Variants in C12orf42 observed in about 807,000 individuals in gnomAD.
C12orf42 encodes uncharacterized protein C12orf42.
C12orf42 carries 25 observed loss-of-function variants against 21.6 expected under a neutral mutation model. The ratio of observed to expected loss-of-function variants is 1.16; its 90% CI spans 0.84 to 1.62. C12orf42 has a LOEUF of 1.62. Ranked by LOEUF, C12orf42 falls within the 40% of genes most tolerant of loss-of-function variation. The pLI is 0.00. For synonymous variants in C12orf42, 174 were observed against 175.0 expected, an observed-to-expected ratio of 0.99 and a Z score of 0.05; for missense variants, 483 against 459.3, an observed-to-expected ratio of 1.05 and a Z score of -0.47.
At chr12:103,247,477 GTAAC>G (rs2034065512) in intron 10 of C12orf42, among the ~76,000 whole-genome samples, 1 of 151,994 alleles carries the variant, frequency 6.6e-6, no homozygotes, top group Non-Finnish European at 1.5e-5. Context: ...GTTTCAAAAA[GTAAC>G]TATTCATCAT....
chr12:103,154,179 G>T, the C12orf42 span, among the ~76,000 whole-genome samples: 1 of 152,132 alleles, frequency 6.6e-6, no homozygotes, highest in South Asian at 2.1e-4. Context: ...GTAGAAGGCA[G>T]GTGATTGGAT....
chr12:103,334,092 T>A (rs1432904324), intron 4 of C12orf42, among the ~76,000 whole-genome samples: 1 of 152,216 alleles, frequency 6.6e-6, no homozygotes, highest in Non-Finnish European at 1.5e-5. Context: ...ACCTCCTTTT[T>A]CCATATTGTT....
At chr12:103,348,001 T>A (rs2042781127) in intron 4 of C12orf42, among the ~76,000 whole-genome samples, 1 of 152,148 alleles carries the variant, frequency 6.6e-6, no homozygotes, top group African/African-American at 2.4e-5. Context: ...CAATTGTAAA[T>A]ACCCTATGAT....
chr12:103,491,981 G>A (rs1955218626), intron 1 of C12orf42, among the ~76,000 whole-genome samples: 1 of 151,670 alleles, frequency 6.6e-6, no homozygotes, highest in Non-Finnish European at 1.5e-5. Flanking sequence ...GTTTAAGATA[G>A]AGTCTCACTC....
intron 4 of C12orf42, among the ~76,000 whole-genome samples, chr12:103,279,294 T>G (rs79056739): frequency 1.7e-3 from 254 of 152,286 alleles, no homozygotes; most frequent in African/African-American, 5.8e-3. Flanking sequence ...TTTATTACAC[T>G]GATTGTGGTA....
chr12:103,064,166 CTTTGT>C, the C12orf42 span, among the ~76,000 whole-genome samples: 1 of 152,138 alleles, frequency 6.6e-6, no homozygotes, highest in African/African-American at 2.4e-5. Flanking sequence ...TTTACCAATC[CTTTGT>C]GACATAGATT....
At position 103,405,809 on chromosome 12, in the gene C12orf42, G is replaced by T. The variant is rs77836842; in HGVS notation, c.79-4134C>A. Among the ~76,000 whole-genome samples the T allele has an allele frequency of 1.3e-5, 2 of 152,112 alleles. 1 individual carries two copies. Among genetic ancestry groups the T allele is most frequent in the South Asian group, 4.2e-4 (2 of 4,818 alleles). On this transcript the variant is annotated intron_variant, in intron 2 of 5. Coordinates refer to ENST00000548883, the MANE Select transcript of C12orf42 (RefSeq NM_198521.5). ...AAAAACATGTTTGCCTTGATGTGGG[G>T]TAGTGTATTTCTTTCTAAAGAAATG...
chr12:103,124,187 A>G, the C12orf42 span, among the ~76,000 whole-genome samples: 5 of 29,074 alleles, frequency 1.7e-4, no homozygotes, highest in African/African-American at 6.5e-4. Context: ...TTTTTTTTTT[A>G]TGGAAACAGG....
At chr12:103,450,929 C>T (rs957339892) in intron 2 of C12orf42, among the ~76,000 whole-genome samples, 116 of 152,244 alleles carry the variant, frequency 7.6e-4, no homozygotes, top group African/African-American at 2.6e-3. Flanking sequence ...AAGCTTTTTT[C>T]ATACAACTCA....
At chr12:103,327,724 C>G (rs866067546) in intron 4 of C12orf42, among the ~76,000 whole-genome samples, 31 of 152,166 alleles carry the variant, frequency 2.0e-4, no homozygotes, top group Middle Eastern at 3.2e-3. Context: ...CAGCATCTAT[C>G]TCTAGGAGTA....
chr12:103,130,103 C>T, the C12orf42 span, among the ~76,000 whole-genome samples: 12 of 151,976 alleles, frequency 7.9e-5, no homozygotes, highest in Non-Finnish European at 4.4e-5. Flanking sequence ...ATTGCTACCC[C>T]CAGATGCAGA....
At chr12:103,309,963 A>C (rs1235645875) in intron 4 of C12orf42, among the ~76,000 whole-genome samples, 1 of 152,252 alleles carries the variant, frequency 6.6e-6, no homozygotes, top group Non-Finnish European at 1.5e-5. Context: ...GATATGTCCC[A>C]GTATAAGGGG....
intron 1 of C12orf42, among the ~76,000 whole-genome samples, chr12:103,481,786 T>C (rs973822974): frequency 1.3e-4 from 19 of 151,486 alleles, no homozygotes; most frequent in African/African-American, 4.1e-4. Flanking sequence ...CGTGTCCTGG[T>C]TCTTCTGTTT....
chr12:103,400,254 G>A (rs1213683176), intron 3 of C12orf42, among the ~76,000 whole-genome samples: 1 of 152,164 alleles, frequency 6.6e-6, no homozygotes, highest in Non-Finnish European at 1.5e-5. Flanking sequence ...GCACCCAGGG[G>A]GCACTGGTCT....
At chr12:103,385,675 C>T (rs1158790794) in intron 3 of C12orf42, among the ~76,000 whole-genome samples, 4 of 152,166 alleles carry the variant, frequency 2.6e-5, no homozygotes, top group Non-Finnish European at 5.9e-5. Flanking sequence ...TTGTTTACCA[C>T]AATTCTAAAT....
chr12:103,190,237 T>C, the C12orf42 span, among the ~76,000 whole-genome samples: 3 of 152,118 alleles, frequency 2.0e-5, no homozygotes, highest in Admixed American at 2.0e-4. Flanking sequence ...AGAAGCAAAG[T>C]GTCTGTCATG....
At chr12:103,412,963 T>C (rs1308147522) in intron 2 of C12orf42, among the ~76,000 whole-genome samples, 1 of 152,240 alleles carries the variant, frequency 6.6e-6, no homozygotes, top group East Asian at 1.9e-4. Context: ...TTTAGTTTAA[T>C]TAGGTCCCAC....
At chr12:103,068,753 A>T in the C12orf42 span, among the ~76,000 whole-genome samples, 1 of 150,844 alleles carries the variant, frequency 6.6e-6, no homozygotes, top group Non-Finnish European at 1.5e-5. Flanking sequence ...GCCCTCGAAT[A>T]TCAGACTCCA....
intron 4 of C12orf42, among the ~76,000 whole-genome samples, chr12:103,355,727 T>C (rs2043487114): frequency 6.6e-6 from 1 of 152,018 alleles, no homozygotes; most frequent in Non-Finnish European, 1.5e-5. Flanking sequence ...GCACCATGAC[T>C]CTAGAAAAAC....
Sources: gnomAD v4.1 joint callset for allele counts (sites outside exome capture counted in the v4.1 genomes callset) on GRCh38, gnomAD v4.1.1 for gene constraint, MANE v1.5 for transcripts, NCBI Gene and HGNC (gene_info 2026-07-23, HGNC 2026-07-21) for gene names.